The following NXPH1 variants were observed in gnomAD, a reference collection of about 807,000 sequenced individuals.
The protein encoded by NXPH1 is neurexophilin 1.
In NXPH1, 5 loss-of-function variants were observed where a neutral mutation model predicts 23.7. The ratio of observed to expected loss-of-function variants is 0.21; its 90% CI spans 0.11 to 0.44. NXPH1 has a LOEUF of 0.44. Among genes scored for constraint, NXPH1 ranks in the 20% least tolerant of loss-of-function variants. The pLI is 0.99. For missense variants in NXPH1, 324 were observed against 321.6 expected (o/e 1.01, Z -0.06); for synonymous variants, 144 against 122.2 (o/e 1.18, Z -1.18).
intron 2 of NXPH1, among the ~76,000 whole-genome samples, chr7:8,711,144 G>A (rs1779788173): frequency 6.6e-6 from 1 of 152,114 alleles, no homozygotes; most frequent in Non-Finnish European, 1.5e-5. Context: ...CCATTTCCAA[G>A]TAATGACTGC....
intron 2 of NXPH1, among the ~76,000 whole-genome samples, chr7:8,495,254 C>T (rs940195790): frequency 3.3e-5 from 5 of 151,730 alleles, no homozygotes; most frequent in Admixed American, 3.3e-4. Context: ...AATCCTTTTT[C>T]CTCAGAAAAC....
At chr7:8,726,898 G>A (rs1352272476) in intron 2 of NXPH1, among the ~76,000 whole-genome samples, 1 of 151,916 alleles carries the variant, frequency 6.6e-6, no homozygotes, top group African/African-American at 2.4e-5. Context: ...CTAGATCCCT[G>A]AGGAATCGCC....
At chr7:8,714,613 G>A (rs1779848679) in intron 2 of NXPH1, among the ~76,000 whole-genome samples, 1 of 151,910 alleles carries the variant, frequency 6.6e-6, no homozygotes, top group Non-Finnish European at 1.5e-5. Context: ...CCTGGTTACT[G>A]CTGCTGGTTA....
At chr7:8,436,915 C>T in intron 2 of NXPH1, among the ~76,000 whole-genome samples, 1 of 152,226 alleles carries the variant, frequency 6.6e-6, no homozygotes, top group South Asian at 2.1e-4. Context: ...TGCCCTGGTG[C>T]ATGTGGCTGC....
intron 2 of NXPH1, among the ~76,000 whole-genome samples, chr7:8,532,700 T>G (rs764176108): frequency 4.6e-5 from 7 of 152,110 alleles, no homozygotes; most frequent in Non-Finnish European, 7.3e-5. Context: ...ATTATGCTGG[T>G]GGTGGTCCTC....
At chr7:8,713,716 CAG>C (rs1292022495) in intron 2 of NXPH1, among the ~76,000 whole-genome samples, 1 of 152,218 alleles carries the variant, frequency 6.6e-6, no homozygotes, top group Non-Finnish European at 1.5e-5. Flanking sequence ...TGCAGATTTA[CAG>C]AGTTATCACC....
At chr7:8,492,417 G>A (rs1441784883) in intron 2 of NXPH1, among the ~76,000 whole-genome samples, 1 of 151,974 alleles carries the variant, frequency 6.6e-6, no homozygotes, top group African/African-American at 2.4e-5. Context: ...CTGAGTCTCA[G>A]TTTTAAACTC....
intron 2 of NXPH1, among the ~76,000 whole-genome samples, chr7:8,698,689 A>G (rs1048340027): frequency 3.9e-5 from 6 of 152,156 alleles, no homozygotes; most frequent in Non-Finnish European, 7.4e-5. Context: ...GAAGGAGGCT[A>G]TTAGAGTGAT....
At chr7:8,739,574 C>G (rs537847898) in intron 2 of NXPH1, among the ~76,000 whole-genome samples, 3 of 152,300 alleles carry the variant, frequency 2.0e-5, no homozygotes, top group Non-Finnish European at 4.4e-5. Context: ...GAGCTGCAGA[C>G]TGGAGCTGTT....
chr7:8,459,510 T>A (rs1385612080), intron 2 of NXPH1, among the ~76,000 whole-genome samples: 1 of 152,182 alleles, frequency 6.6e-6, no homozygotes, highest in East Asian at 1.9e-4. Context: ...TAAACTGCAT[T>A]TTCAGTTTAA....
intron 2 of NXPH1, among the ~76,000 whole-genome samples, chr7:8,735,218 C>T (rs1029366390): frequency 4.6e-5 from 7 of 152,082 alleles, no homozygotes; most frequent in African/African-American, 1.7e-4. Context: ...TTGTCTTGTG[C>T]CAGTTTTCCA....
intron 2 of NXPH1, among the ~76,000 whole-genome samples, chr7:8,582,278 C>G (rs181643286): frequency 6.6e-6 from 1 of 152,290 alleles, no homozygotes; most frequent in East Asian, 1.9e-4. Flanking sequence ...TCTCATTGAC[C>G]ACAGTATGGT....
At chr7:8,719,968 T>C (rs1012298165) in intron 2 of NXPH1, among the ~76,000 whole-genome samples, 1 of 152,168 alleles carries the variant, frequency 6.6e-6, no homozygotes, top group Non-Finnish European at 1.5e-5. Flanking sequence ...TTCAAGAGAT[T>C]ATGGCTTCAT....
chr7:8,525,863 A>G (rs1403577496), intron 2 of NXPH1, among the ~76,000 whole-genome samples: 4 of 152,190 alleles, frequency 2.6e-5, no homozygotes, highest in Admixed American at 6.5e-5. Context: ...GCAGGGGTGG[A>G]GCCCTCATGG....
At chr7:8,562,210 G>A (rs148401067) in intron 2 of NXPH1, among the ~76,000 whole-genome samples, 198 of 151,646 alleles carry the variant, frequency 1.3e-3, no homozygotes, top group African/African-American at 4.4e-3. Context: ...ACCATTATAC[G>A]TCAGCTTCCT....
Position 8,618,624 on chromosome 7 carries a change from C to G in NXPH1, c.55-132384C>G, listed in dbSNP as rs1477529745. 2.0e-5 allele frequency among the ~76,000 whole-genome samples: 3 copies of G among 152,156 alleles called. No homozygotes were observed. In the East Asian group the frequency reaches 5.8e-4, roughly 29 times the overall value. On this transcript the variant is annotated intron_variant, in intron 2 of 2. Transcript: ENST00000405863. ...ATTCCTGAGGCTTAAATTTCACTTG[C>G]AAACTAGGAGAAGAGGTGGAAAAAA...
intron 2 of NXPH1, among the ~76,000 whole-genome samples, chr7:8,527,928 C>T (rs1413821294): frequency 2.0e-5 from 3 of 152,214 alleles, no homozygotes; most frequent in Non-Finnish European, 4.4e-5. Context: ...CCGTGACATG[C>T]TATCTATTTC....
intron 2 of NXPH1, among the ~76,000 whole-genome samples, chr7:8,520,617 A>G (rs1817755576): frequency 6.6e-6 from 1 of 152,162 alleles, no homozygotes; most frequent in African/African-American, 2.4e-5. Flanking sequence ...TAAGCCTGCA[A>G]CCTTGCAGGT....
chr7:8,645,270 G>C (rs79652010), intron 2 of NXPH1, among the ~76,000 whole-genome samples: 7,369 of 152,092 alleles, frequency 0.048, 393 homozygotes, highest in East Asian at 0.17. Context: ...GTTGTACCCA[G>C]TACATTTCCA....
Sources: allele counts gnomAD v4.1 joint callset (sites outside exome capture counted in the v4.1 genomes callset), GRCh38; gene constraint gnomAD v4.1.1; transcripts MANE v1.5; gene names NCBI Gene and HGNC (gene_info 2026-07-23, HGNC 2026-07-21).